Variants in SEC16A observed in about 807,000 individuals in gnomAD.
SEC16A encodes the protein protein transport protein Sec16A.
A neutral mutation model predicts 221.9 loss-of-function variants in SEC16A; 110 were observed. The observed-to-expected ratio is 0.50, with a 90% CI of 0.42 to 0.58. The LOEUF is 0.58. Ranked by LOEUF, SEC16A falls within the 20% of genes least tolerant of loss-of-function variation. The probability of loss-of-function intolerance (pLI) is 0.00; values close to 1 mark genes in which losing one functional copy is unlikely to be tolerated. For missense variants in SEC16A, 3,165 were observed against 3,097.8 expected, an observed-to-expected ratio of 1.02 and a Z score of -0.52; for synonymous variants, 1,393 against 1,257.7, an observed-to-expected ratio of 1.11 and a Z score of -2.28.
chr9:136,462,778 C>T lies in SEC16A; in HGVS notation c.4893+109G>A, dbSNP rs150526245. On this transcript the variant is annotated intron_variant, in intron 12 of 31. Transcript: ENST00000684901. Reference sequence around the variant, plus strand: ...AGACCCGAAGCCCCACACTGCAGCGCGGATGCTCCCAAGAGGGGGCCACGT... The same window carrying T: ...AGACCCGAAGCCCCACACTGCAGCGTGGATGCTCCCAAGAGGGGGCCACGT... 4.3e-4 allele frequency: 550 copies of T among 1,282,934 alleles called. 2 individuals carry two copies. The African/African-American group carries it at 6.6e-3, about 15-fold the overall frequency. 79.5% of individuals were successfully genotyped at this position (1,282,934 alleles called of 1,614,324 possible).
In SEC16A at chr9:136,453,410, G is replaced by T; in HGVS notation, c.6159+18C>A. On this transcript the variant is annotated intron_variant, in intron 22 of 31. Transcript: ENST00000684901. ...ACTTTATGGAAAACAAACAGTTTAAGAAAATGTGACAAAGTACCAGATTAG... is the reference window on the plus strand; with the variant it reads ...ACTTTATGGAAAACAAACAGTTTAATAAAATGTGACAAAGTACCAGATTAG... The T allele has an allele frequency of 1.2e-6, 2 of 1,600,392 alleles. No individual in the cohort carries two copies. The highest frequency in any genetic ancestry group is 1.1e-5 in the South Asian group (1 of 90,764).
intron 8 of SEC16A, 60 bp downstream of exon 8, chr9:136,465,902 A>G (rs3124590): frequency 0.98 from 1,509,155 of 1,537,660 alleles, 740,669 homozygotes; most frequent in East Asian, 1. Context: ...TTCAGATGCC[A>G]GGCTGGGTGG....
chr9:136,474,202 C>G lies in SEC16A; in HGVS notation c.3414G>C (p.Gln1138His), dbSNP rs779359603. Residue 1138 changes from glutamine to histidine, a missense_variant, in exon 3 of 32, where the codon CAG becomes CAC. Physicochemically the swap from Gln to His is conservative, Grantham distance 24. This residue lies in a region of SEC16A where 2,030 missense variants were observed against 1,923.1 expected (regional missense o/e 1.06). Coordinates refer to ENST00000684901, the MANE Select transcript of SEC16A (RefSeq NM_014866.2). ...GSGQAAVPSEQPWPQPVPALA... is the reference protein window; with the variant it reads ...GSGQAAVPSEHPWPQPVPALA... ...GTGCAGGCACTGGCTGTGGCCACGGCTGCTCTGACGGCACAGCTGCCTGGC... is the reference window on the plus strand; with the variant it reads ...GTGCAGGCACTGGCTGTGGCCACGGGTGCTCTGACGGCACAGCTGCCTGGC... 6.2e-7 allele frequency: 1 copy of G among 1,611,766 alleles called. No individual in the cohort carries two copies. The highest frequency in any genetic ancestry group is 8.5e-7 in the Non-Finnish European group (1 of 1,179,478).
rs1564488015 is a variant in SEC16A at position 136,459,339 on chromosome 9, CAAAT to C, written c.5303+101_5304-101del. ...TCCAGAAGTGTGTCCCACCACGTGACAAATAAAGACATGATTCTGGCCATTTCTG... is the reference window on the plus strand; with the variant it reads ...TCCAGAAGTGTGTCCCACCACGTGACAAAGACATGATTCTGGCCATTTCTG... On this transcript the variant is annotated intron_variant, in intron 16 of 31. Transcript: ENST00000684901. The surrounding 1 kb of genome is among the most constrained non-coding windows in gnomAD (Gnocchi z 6.1). The C allele has an allele frequency of 2.6e-5, 36 of 1,406,406 alleles. No individual in the cohort carries two copies. The highest frequency in any genetic ancestry group is 3.2e-5 in the Non-Finnish European group (32 of 1,008,032). 87.1% of individuals were successfully genotyped at this position (1,406,406 alleles called of 1,614,324 possible). A position where few individuals can be genotyped will look rare whatever the true frequency, so the allele number is the denominator to read the frequency against.
chr9:136,451,502 A>C, intron 22 of SEC16A, 94 bp from the exon 23 acceptor site: 1 of 1,377,818 alleles, frequency 7.3e-7, no homozygotes, highest in Non-Finnish European at 9.7e-7. Context: ...TGTTTCCTAA[A>C]TACATCACTG....
In SEC16A at chr9:136,463,462, C is replaced by T; in HGVS notation, c.4647+1G>A. On this transcript the variant is annotated splice_donor_variant, in intron 11 of 31. Transcript: ENST00000684901. LOFTEE classifies it high-confidence loss of function. ...CACTCTAGAAGTAGAAAGAAACATA[C>T]CCCATTTTGTCTGCATAAGAGAACA... 6.2e-7 allele frequency: 1 copy of T among 1,612,532 alleles called. No homozygotes were observed. The highest frequency in any genetic ancestry group is 1.1e-5 in the South Asian group (1 of 90,914).
intron 30 of SEC16A, among the ~76,000 whole-genome samples, chr9:136,444,688 G>C (rs2131750273): frequency 6.6e-6 from 1 of 152,116 alleles, no homozygotes; most frequent in South Asian, 2.1e-4. Flanking sequence ...GGACCAGCCT[G>C]ACCAACATGG....
At chr9:136,461,122 T>A in intron 13 of SEC16A, 55 bp downstream of exon 13, 1 of 1,405,172 alleles carries the variant, frequency 7.1e-7, no homozygotes, top group East Asian at 2.5e-5. Context: ...GGACGCCGCG[T>A]GCTACAGGGA....
chr9:136,459,663 G>A lies in SEC16A; in HGVS notation c.5191+94C>T. The A allele has an allele frequency of 7.3e-7, 1 of 1,371,724 alleles. No homozygotes were observed. The highest frequency in any genetic ancestry group is 1.0e-6 in the Non-Finnish European group (1 of 988,996). 85.0% of individuals were successfully genotyped at this position (1,371,724 alleles called of 1,614,324 possible). A position where few individuals can be genotyped will look rare whatever the true frequency, so the allele number is the denominator to read the frequency against. Reference sequence around the variant, plus strand: ...CAGAGACGCCAGCCGGACCGAGAAGGCCGGGTTCTGGTGATTTCTGCCAAC... The same window carrying A: ...CAGAGACGCCAGCCGGACCGAGAAGACCGGGTTCTGGTGATTTCTGCCAAC... On this transcript the variant is annotated intron_variant, in intron 15 of 31. Coordinates refer to ENST00000684901, the MANE Select transcript of SEC16A (RefSeq NM_014866.2). This position sits in a 1 kb window ranked among gnomAD's most constrained non-coding sequence, Gnocchi z 6.1.
rs779082710 is a variant in SEC16A, at chr9:136,476,518, T to C, written c.1098A>G (p.Ser366=). ...ACATCGCCAGAGCTCCTGAAGCTCC[T>C]GAGTCTGCTTCTAGCGGGGCACAGC... The part of the protein sequence containing the change: ...GSGCAPLEAD[S]GASGALAMFF... Residue 366 remains serine, a synonymous_variant, in exon 3 of 32, where the codon TCA becomes TCG. Transcript: ENST00000684901. 34 of 1,612,838 alleles carry C rather than the reference T, an allele frequency of 2.1e-5. No homozygotes were observed. The highest frequency in any genetic ancestry group is 2.8e-5 in the Non-Finnish European group (33 of 1,179,534).
Position 136,459,458 on chromosome 9 carries a change from G to A in SEC16A, c.5289C>T (p.Ile1763=), listed in dbSNP as rs372424345. 82 of 1,604,416 alleles carry A rather than the reference G, an allele frequency of 5.1e-5. 1 individual carries two copies. In the African/African-American group the frequency reaches 8.4e-4, roughly 16 times the overall value. Residue 1763 remains isoleucine, a synonymous_variant, in exon 16 of 32, where the codon ATC becomes ATT. Coordinates refer to ENST00000684901, the MANE Select transcript of SEC16A (RefSeq NM_014866.2). The surrounding 1 kb of genome is among the most constrained non-coding windows in gnomAD (Gnocchi z 6.1). ...YTKKTTKLVL[I]GSNHSLPFLK... is the part of the protein sequence containing the mutation. Reference sequence around the variant, plus strand: ...TGGTTCTTTACCTGTGATTGGATCCGATTAAGACAAGCTTTGTAGTTTTCT... The same window carrying A: ...TGGTTCTTTACCTGTGATTGGATCCAATTAAGACAAGCTTTGTAGTTTTCT...
upstream of SEC16A, chr9:136,483,600 T>G (rs1037090574): frequency 3.0e-6 from 3 of 985,136 alleles, no homozygotes; most frequent in African/African-American, 5.3e-5. Context: ...TTTCTCCCAG[T>G]CTTTTTTCGT....
chr9:136,483,897 CG>C, upstream of SEC16A: 2 of 731,842 alleles, frequency 2.7e-6, no homozygotes, highest in Non-Finnish European at 3.3e-6. Flanking sequence ...CCGCGGGCAC[CG>C]AGCGGCGCCG....
At chr9:136,465,354 G>A (rs989657962) in intron 8 of SEC16A, among the ~76,000 whole-genome samples, 1 of 151,622 alleles carries the variant, frequency 6.6e-6, no homozygotes, top group African/African-American at 2.4e-5. Flanking sequence ...AGGAGGCTGA[G>A]GCAGGAGAAT....
chr9:136,483,441 G>GC, upstream of SEC16A: 5 of 669,398 alleles, frequency 7.5e-6, no homozygotes, highest in Non-Finnish European at 9.1e-6. Flanking sequence ...CGCCCCTTTG[G>GC]CCCCGCCCCT....
Position 136,463,495 on chromosome 9 carries a change from T to C in SEC16A, c.4615A>G (p.Asn1539Asp). The change falls in exon 11 of 32, where the codon AAT (asparagine) becomes GAT (aspartate). Residue 1539 changes from asparagine to aspartate, a missense_variant. Asn to Asp is a conservative substitution (Grantham distance 23, BLOSUM62 1). Transcript: ENST00000684901. ...TGTCTGCATAAGAGAACAATAAAAT[T>C]CCAAAGAAGACTTGCAGACTCTTTG... Reference protein sequence around the residue: ...IDKESASLLWNFIVLLCRQNG... With the variant: ...IDKESASLLWDFIVLLCRQNG... 6.2e-7 allele frequency: 1 copy of C among 1,613,846 alleles called. No individual in the cohort carries two copies. The highest frequency in any genetic ancestry group is 1.1e-5 in the South Asian group (1 of 91,082).
chr9:136,480,085 T>C (rs1240366429), intron 1 of SEC16A, among the ~76,000 whole-genome samples: 1 of 152,220 alleles, frequency 6.6e-6, no homozygotes, highest in Non-Finnish European at 1.5e-5. Flanking sequence ...ATGGAGGTTT[T>C]AGGCTCTCAT....
Position 136,466,227 on chromosome 9 carries a change from A to T in SEC16A, c.4128+37T>A. 1 of 1,582,886 alleles carries T rather than the reference A, an allele frequency of 6.3e-7. No homozygotes were observed. The highest frequency in any genetic ancestry group is 8.6e-7 in the Non-Finnish European group (1 of 1,162,306). On this transcript the variant is annotated intron_variant, in intron 7 of 31. Transcript: ENST00000684901. This position sits in a 1 kb window ranked among gnomAD's most constrained non-coding sequence, Gnocchi z 5.5. ...TGCAAACAGGATGGTGGTTCTAAAC[A>T]CAACCGTCCGCGTGTCTGTGAGGCG... is the stretch of plus-strand genomic sequence containing the variant.
chr9:136,453,398 CA>C, intron 22 of SEC16A, 29 bp downstream of exon 22: 1 of 1,564,198 alleles, frequency 6.4e-7, no homozygotes, highest in East Asian at 2.2e-5. Context: ...TTATGGAAAA[CA>C]AACAGTTTAA....
Sources: gnomAD v4.1 joint callset for allele counts (sites outside exome capture counted in the v4.1 genomes callset) on GRCh38, gnomAD v4.1.1 for gene constraint, gnomAD v4.1.1 regional missense constraint, Gnocchi (gnomAD v3.1) non-coding constraint, MANE v1.5 for transcripts, NCBI Gene and HGNC (gene_info 2026-07-23, HGNC 2026-07-21) for gene names.